Variants in STPG2 observed in about 807,000 individuals in gnomAD.
STPG2 encodes sperm tail PG-rich repeat containing 2, also known as sperm-tail PG-rich repeat-containing protein 2.
A neutral mutation model predicts 54.2 loss-of-function variants in STPG2; 56 were observed. The observed-to-expected ratio is 1.03, with a 90% CI of 0.83 to 1.29. The LOEUF (loss-of-function observed/expected upper bound fraction) is 1.29. STPG2 is among the 50% of genes most tolerant of loss of function. STPG2 has a pLI of 0.00. For missense variants in STPG2, 596 were observed against 544.9 expected, an observed-to-expected ratio of 1.09 and a Z score of -0.93; for synonymous variants, 200 against 181.8, an observed-to-expected ratio of 1.10 and a Z score of -0.81.
chr4:97,785,605 G>C (rs1726798926), intron 9 of STPG2, among the ~76,000 whole-genome samples: 1 of 151,958 alleles, frequency 6.6e-6, no homozygotes, highest in Non-Finnish European at 1.5e-5. Flanking sequence ...ATGACAGAAA[G>C]ATAAATGTGA....
intron 10 of STPG2, among the ~76,000 whole-genome samples, chr4:97,570,085 T>A (rs145253892): frequency 6.6e-6 from 1 of 152,198 alleles, no homozygotes; most frequent in African/African-American, 2.4e-5. Context: ...GTCACTGTCA[T>A]GAAAGACAAA....
intron 5 of STPG2, chr4:98,048,730 T>C (rs783925): frequency 0.46 from 70,096 of 153,604 alleles, 16,344 homozygotes; most frequent in Admixed American, 0.56. Flanking sequence ...TATACAATAC[T>C]ACCTATGGAC....
intron 10 of STPG2, among the ~76,000 whole-genome samples, chr4:97,611,008 T>C (rs916339043): frequency 2.6e-5 from 4 of 152,080 alleles, no homozygotes; most frequent in African/African-American, 9.7e-5. Flanking sequence ...ATTTTAAAAT[T>C]TGAATTAAAA....
chr4:97,650,458 C>T (rs1341319268), intron 10 of STPG2, among the ~76,000 whole-genome samples: 7 of 152,202 alleles, frequency 4.6e-5, no homozygotes, highest in Admixed American at 4.6e-4. Flanking sequence ...TTAAGAAATA[C>T]ATTGGTTTGG....
intron 10 of STPG2, among the ~76,000 whole-genome samples, chr4:97,591,857 C>G (rs1022758475): frequency 6.6e-6 from 1 of 151,962 alleles, no homozygotes. Flanking sequence ...GAATTTGTTG[C>G]GATTCATAAG....
In STPG2 at chr4:97,970,229, C is replaced by T. The variant is rs563840839; in HGVS notation, c.933+2051G>A. Among the ~76,000 whole-genome samples, 11 of 152,280 alleles carry T rather than the reference C, an allele frequency of 7.2e-5. No individual in the cohort carries two copies. In the East Asian group the frequency reaches 7.7e-4, roughly 11 times the overall value. ...AATCAATATTGTGAAAATGGCCATA[C>T]TGACCAAGGTAATTTATAGATTCAA... On this transcript the variant is annotated intron_variant, in intron 7 of 10. Transcript: ENST00000295268.
At chr4:97,951,562 G>C (rs1733471692) in intron 7 of STPG2, among the ~76,000 whole-genome samples, 2 of 151,730 alleles carry the variant, frequency 1.3e-5, no homozygotes, top group African/African-American at 4.8e-5. Context: ...GCCTAATTCA[G>C]TAATTGGTGC....
intron 10 of STPG2, among the ~76,000 whole-genome samples, chr4:97,658,520 G>A (rs1203159070): frequency 2.6e-5 from 4 of 152,184 alleles, no homozygotes; most frequent in African/African-American, 9.7e-5. Flanking sequence ...TCAGGGCAGG[G>A]TAAGTTGTAG....
intron 5 of STPG2, among the ~76,000 whole-genome samples, chr4:98,087,656 G>A (rs1485655033): frequency 6.6e-6 from 1 of 150,866 alleles, no homozygotes; most frequent in African/African-American, 2.4e-5. Context: ...CGCCTCCCGG[G>A]TTCACGCCAT....
intron 8 of STPG2, among the ~76,000 whole-genome samples, chr4:97,903,620 G>A (rs754472821): frequency 1.1e-4 from 16 of 152,142 alleles, no homozygotes; most frequent in African/African-American, 3.1e-4. Flanking sequence ...CAAGATGGCC[G>A]AATAGCAACA....
intron 4 of STPG2, among the ~76,000 whole-genome samples, chr4:97,475,928 C>A (rs139805059): frequency 6.6e-6 from 1 of 151,998 alleles, no homozygotes. Context: ...TTTTTCTTTA[C>A]GCCACTTACT....
intron 8 of STPG2, among the ~76,000 whole-genome samples, chr4:97,901,814 T>A (rs1731186699): frequency 6.6e-6 from 1 of 151,862 alleles, no homozygotes; most frequent in Non-Finnish European, 1.5e-5. Flanking sequence ...AAAAAAATCC[T>A]AAAATTCATA....
In STPG2 at chr4:97,740,371, G is replaced by A. The variant is rs528394047; in HGVS notation, c.1205-27557C>T. On this transcript the variant is annotated intron_variant, in intron 9 of 10. Coordinates refer to ENST00000295268, the MANE Select transcript of STPG2 (RefSeq NM_174952.3). Reference sequence around the variant, plus strand: ...GTTGGAAGTTCTGGCCAGGGAATTAGGCAGGAGAAGAAATAAAGGGTATTC... The same window carrying A: ...GTTGGAAGTTCTGGCCAGGGAATTAAGCAGGAGAAGAAATAAAGGGTATTC... 3.9e-5 allele frequency among the ~76,000 whole-genome samples: 6 copies of A among 152,156 alleles called. No individual in the cohort carries two copies. The East Asian group carries it at 1.2e-3, about 29-fold the overall frequency.
intron 5 of STPG2, among the ~76,000 whole-genome samples, chr4:98,077,622 G>GA (rs1204392932): frequency 2.0e-5 from 3 of 152,056 alleles, no homozygotes; most frequent in Non-Finnish European, 2.9e-5. Context: ...AATTTAGACA[G>GA]AAAAATGATA....
At chr4:97,894,479 G>C (rs1339006392) in intron 8 of STPG2, among the ~76,000 whole-genome samples, 1 of 151,850 alleles carries the variant, frequency 6.6e-6, no homozygotes, top group Non-Finnish European at 1.5e-5. Context: ...AATTCCTTCT[G>C]TCTACTTTGG....
chr4:97,846,993 C>G (rs1271733569), intron 8 of STPG2, among the ~76,000 whole-genome samples: 1 of 152,094 alleles, frequency 6.6e-6, no homozygotes, highest in Non-Finnish European at 1.5e-5. Context: ...TCATATAGAA[C>G]TTCTTTTACA....
At chr4:97,480,353 C>A (rs1386600811) in intron 4 of STPG2, among the ~76,000 whole-genome samples, 1 of 151,464 alleles carries the variant, frequency 6.6e-6, no homozygotes, top group Non-Finnish European at 1.5e-5. Flanking sequence ...ATGGGAGGCA[C>A]AGATTGCTTC....
At chr4:97,722,947 A>G (rs1840690) in intron 9 of STPG2, among the ~76,000 whole-genome samples, 13,710 of 145,226 alleles carry the variant, frequency 0.094, 1,663 homozygotes, top group African/African-American at 0.29. Flanking sequence ...ACAGGTGCCC[A>G]CCACCACACC....
At chr4:97,658,775 A>G (rs59158891) in intron 10 of STPG2, among the ~76,000 whole-genome samples, 23,383 of 152,226 alleles carry the variant, frequency 0.15, 5,299 homozygotes, top group African/African-American at 0.5. Context: ...TTACATACAC[A>G]TGTATATGGG....
Sources: gnomAD v4.1 joint callset for allele counts (sites outside exome capture counted in the v4.1 genomes callset) on GRCh38, gnomAD v4.1.1 for gene constraint, MANE v1.5 for transcripts, NCBI Gene and HGNC (gene_info 2026-07-23, HGNC 2026-07-21) for gene names.